Variants in TUFT1 observed in about 807,000 individuals in gnomAD.
TUFT1 encodes tuftelin.
Under a neutral mutation model 57.8 loss-of-function variants are expected in TUFT1, and 43 were observed. The ratio of observed to expected loss-of-function variants is 0.74; its 90% CI spans 0.58 to 0.96. The LOEUF is 0.96. Among genes scored for constraint, TUFT1 ranks in the 40% least tolerant of loss-of-function variants. The pLI is 0.00. For missense variants in TUFT1, 459 were observed against 489.0 expected (o/e 0.94, Z 0.58); for synonymous variants, 166 against 176.7 (o/e 0.94, Z 0.48).
rs568845175 is a variant in TUFT1, at chr1:151,557,465, G to A, written c.61-4626G>A. The A allele has an allele frequency of 3.8e-5, 53 of 1,400,388 alleles. No individual in the cohort carries two copies. In the South Asian group the frequency reaches 4.7e-4, roughly 12 times the overall value. 86.7% of individuals were successfully genotyped at this position (1,400,388 alleles called of 1,614,324 possible). A position where few individuals can be genotyped will look rare whatever the true frequency, so the allele number is the denominator to read the frequency against. On this transcript the variant is annotated intron_variant, in intron 1 of 12. Transcript: ENST00000368849. ...ACCGAGATGTTGATGCCTAAGAACCGGATTGCCATTTATGAACTCCTTTTT... is the reference window on the plus strand; with the variant it reads ...ACCGAGATGTTGATGCCTAAGAACCAGATTGCCATTTATGAACTCCTTTTT...
intron 1 of TUFT1, among the ~76,000 whole-genome samples, chr1:151,558,282 C>G (rs1015334164): frequency 1.3e-5 from 2 of 151,830 alleles, no homozygotes; most frequent in African/African-American, 4.8e-5. Context: ...CCGTTCTTCT[C>G]TTTCAGCATT....
intron 1 of TUFT1, among the ~76,000 whole-genome samples, chr1:151,557,087 G>A (rs1350917776): frequency 6.6e-6 from 1 of 151,874 alleles, no homozygotes; most frequent in Non-Finnish European, 1.5e-5. Flanking sequence ...ACACTTTTTA[G>A]GATTCCATTT....
intron 1 of TUFT1, chr1:151,557,877 G>A (rs2102531205): frequency 2.7e-6 from 2 of 727,724 alleles, no homozygotes; most frequent in Non-Finnish European, 5.1e-6. Context: ...CTGGGGCTGG[G>A]TCAGCAACCG....
At chr1:151,569,003 G>T (rs942304342) in intron 6 of TUFT1, among the ~76,000 whole-genome samples, 4 of 152,194 alleles carry the variant, frequency 2.6e-5, no homozygotes, top group African/African-American at 9.7e-5. Flanking sequence ...AGAGACGGGG[G>T]TGAGACCCTA....
intron 7 of TUFT1, among the ~76,000 whole-genome samples, chr1:151,571,882 G>GA (rs1666259331): frequency 6.6e-6 from 1 of 152,250 alleles, no homozygotes; most frequent in South Asian, 2.1e-4. Context: ...TAGTATGCAG[G>GA]ACCACCTGCA....
At chr1:151,548,491 T>C (rs6587599) in intron 1 of TUFT1, among the ~76,000 whole-genome samples, 143,449 of 152,030 alleles carry the variant, frequency 0.94, 68,267 homozygotes, top group East Asian at 1. Context: ...TTAGTAGAGA[T>C]GGGGTTTCAT....
intron 1 of TUFT1, chr1:151,561,505 A>T (rs1320899809): frequency 3.1e-6 from 3 of 954,406 alleles, no homozygotes; most frequent in African/African-American, 1.8e-5. Flanking sequence ...ACACACACAC[A>T]CTTCTTTGAC....
At chr1:151,554,695 C>CCTTTTTTTTTTTTTTTTTTTTTT (rs1553249393) in intron 1 of TUFT1, among the ~76,000 whole-genome samples, 1 of 85,652 alleles carries the variant, frequency 1.2e-5, no homozygotes, top group African/African-American at 5.1e-5. Context: ...GCCCGGCCCC[C>CCTTTTTTTTTTTTTTTTTTTTTT]TTTTTTTTTT....
Position 151,581,039 on chromosome 1 carries a change from G to A in TUFT1, c.1106G>A (p.Gly369Asp). The A allele has an allele frequency of 1.2e-6, 2 of 1,614,058 alleles. No homozygotes were observed. The highest frequency in any genetic ancestry group is 1.7e-6 in the Non-Finnish European group (2 of 1,179,976). Residue 369 changes from glycine to aspartate, a missense_variant, in exon 12 of 13, where the codon GGC becomes GAC. By Grantham distance (94) the Gly-to-Asp change is moderately conservative. Coordinates refer to ENST00000368849, the MANE Select transcript of TUFT1 (RefSeq NM_020127.3). ...TQARAKTENPGSIRISKPPSP... is the reference protein window; with the variant it reads ...TQARAKTENPDSIRISKPPSP... ...GCCCGGGCCAAGACAGAGAACCCGG[G>A]CAGGTGAGTGAGCGTGTGTAGATAG...
intron 1 of TUFT1, 86 bp downstream of exon 1, chr1:151,540,512 T>C: frequency 6.7e-7 from 1 of 1,485,870 alleles, no homozygotes; most frequent in Non-Finnish European, 9.4e-7. Context: ...CCGTGTTGGC[T>C]GACATCACCT....
At chr1:151,554,942 G>T (rs1432950887) in intron 1 of TUFT1, among the ~76,000 whole-genome samples, 1 of 149,060 alleles carries the variant, frequency 6.7e-6, no homozygotes, top group East Asian at 2.0e-4. Context: ...GACCTCAGGT[G>T]ATCCACCCAC....
At chr1:151,542,819 C>T (rs549651931) in intron 1 of TUFT1, among the ~76,000 whole-genome samples, 8 of 152,236 alleles carry the variant, frequency 5.3e-5, no homozygotes, top group Admixed American at 1.3e-4. Flanking sequence ...GGTGAACAGT[C>T]GGGACACAGG....
chr1:151,574,380 CT>C lies in TUFT1; in HGVS notation c.707del (p.Leu236CysfsTer2). ...EAEVGELQRRLLGMETEHQAL... is the reference protein window; with the variant it reads ...EAEVGELQRRXLGMETEHQAL... The stretch of plus-strand genomic sequence containing the variant: ...CAGAAGTCGGAGAGCTGCAGAGGCG[CT>C]TGCTAGGGATGGAGACGGTAACCGG... On this transcript the variant is annotated frameshift_variant, in exon 8 of 13. Transcript: ENST00000368849. LOFTEE classifies it high-confidence loss of function. The C allele has an allele frequency of 2.5e-6, 4 of 1,614,108 alleles. No individual in the cohort carries two copies. Among genetic ancestry groups the C allele is most frequent in the Non-Finnish European group, 3.4e-6 (4 of 1,180,012 alleles).
chr1:151,540,490 C>A, intron 1 of TUFT1, 64 bp downstream of exon 1: 1 of 1,588,914 alleles, frequency 6.3e-7, no homozygotes, highest in South Asian at 1.1e-5. Flanking sequence ...TCCGCCCCTT[C>A]CGTGCCCCGC....
chr1:151,567,652 T>C (rs921141587), intron 6 of TUFT1, among the ~76,000 whole-genome samples: 1 of 152,112 alleles, frequency 6.6e-6, no homozygotes, highest in Non-Finnish European at 1.5e-5. Flanking sequence ...TTCAAGCAAT[T>C]CTCGTGCCTC....
chr1:151,562,739 T>A (rs1665937814), intron 3 of TUFT1, 53 bp downstream of exon 3: 8 of 1,475,670 alleles, frequency 5.4e-6, no homozygotes, highest in Non-Finnish European at 5.7e-6. Context: ...TCCCTGCACG[T>A]ATATGAGAAG....
intron 5 of TUFT1, 198 bp from the exon 6 acceptor site, chr1:151,565,965 T>G: frequency 2.1e-6 from 1 of 471,288 alleles, no homozygotes; most frequent in Non-Finnish European, 3.9e-6. Context: ...TTCGCTTCGT[T>G]CCTTCTTCCT....
At chr1:151,555,050 G>A (rs1233776592) in intron 1 of TUFT1, among the ~76,000 whole-genome samples, 3 of 148,818 alleles carry the variant, frequency 2.0e-5, no homozygotes, top group African/African-American at 7.4e-5. Context: ...TTTTAAGGCC[G>A]GGCATGGTGG....
intron 1 of TUFT1, among the ~76,000 whole-genome samples, chr1:151,552,834 A>G (rs964034539): frequency 6.6e-6 from 1 of 151,894 alleles, no homozygotes; most frequent in Non-Finnish European, 1.5e-5. Flanking sequence ...TTAAATTTTC[A>G]ATTTTTATTA....
Sources: allele counts gnomAD v4.1 joint callset (sites outside exome capture counted in the v4.1 genomes callset), GRCh38; gene constraint gnomAD v4.1.1; transcripts MANE v1.5; gene names NCBI Gene and HGNC (gene_info 2026-07-23, HGNC 2026-07-21).